TAS2R1: variants seen among roughly 807,000 people sequenced by gnomAD.
TAS2R1 encodes taste 2 receptor member 1, also known as taste receptor type 2 member 1.
For missense variants in TAS2R1, 370 were observed against 353.4 expected (o/e 1.05, Z -0.38); for synonymous variants, 141 against 134.2 (o/e 1.05, Z -0.35).
intron 1 of TAS2R1, among the ~76,000 whole-genome samples, chr5:9,710,462 G>A (rs757570204): frequency 3.3e-5 from 5 of 152,194 alleles, no homozygotes; most frequent in Non-Finnish European, 7.3e-5. Context: ...CTGAGACATA[G>A]TTTTGTGAAC....
the TAS2R1 span, among the ~76,000 whole-genome samples, chr5:9,846,251 T>A: frequency 2.6e-5 from 4 of 152,244 alleles, no homozygotes; most frequent in Non-Finnish European, 5.9e-5. Context: ...CCTGAAACTT[T>A]AAGCACCACT....
chr5:9,773,837 G>A, the TAS2R1 span, among the ~76,000 whole-genome samples: 2 of 152,074 alleles, frequency 1.3e-5, no homozygotes, highest in South Asian at 4.1e-4. Context: ...TGCTGCTTTA[G>A]GATACTTTCT....
At chr5:9,732,862 C>T in the TAS2R1 span, among the ~76,000 whole-genome samples, 22 of 152,170 alleles carry the variant, frequency 1.4e-4, no homozygotes, top group Non-Finnish European at 2.5e-4. Flanking sequence ...GGGCAGCCCA[C>T]AGGCTGGAAA....
At chr5:9,738,759 A>G in the TAS2R1 span, among the ~76,000 whole-genome samples, 1 of 152,124 alleles carries the variant, frequency 6.6e-6, no homozygotes, top group Non-Finnish European at 1.5e-5. Context: ...ATGACTAATA[A>G]ACCCCAATGC....
chr5:9,647,669 T>C (rs1290745530), intron 2 of TAS2R1, among the ~76,000 whole-genome samples: 1 of 152,198 alleles, frequency 6.6e-6, no homozygotes, highest in African/African-American at 2.4e-5. Flanking sequence ...TTAGTTATAA[T>C]TTTCTGTAGA....
chr5:9,867,747 G>A, the TAS2R1 span, among the ~76,000 whole-genome samples: 19 of 152,098 alleles, frequency 1.2e-4, no homozygotes, highest in African/African-American at 4.1e-4. Context: ...TCAAAAGTCC[G>A]CAGTCCAAAG....
chr5:9,792,298 A>G, the TAS2R1 span, among the ~76,000 whole-genome samples: 1 of 152,184 alleles, frequency 6.6e-6, no homozygotes, highest in South Asian at 2.1e-4. Context: ...TTTAAAACAT[A>G]ATGAACCTCT....
chr5:9,843,084 G>T, the TAS2R1 span, among the ~76,000 whole-genome samples: 4 of 152,152 alleles, frequency 2.6e-5, no homozygotes, highest in Admixed American at 6.5e-5. Flanking sequence ...TGCCTTTTAT[G>T]CAGGACTCTT....
At chr5:9,630,862 T>C (rs184822343), upstream of TAS2R1, among the ~76,000 whole-genome samples, 2 of 152,334 alleles carry the variant, frequency 1.3e-5, no homozygotes, top group East Asian at 3.9e-4. Context: ...ATGATTAAAT[T>C]TGTTGCTTTC....
intron 2 of TAS2R1, among the ~76,000 whole-genome samples, chr5:9,637,027 A>G (rs1739977022): frequency 1.3e-5 from 2 of 151,278 alleles, no homozygotes; most frequent in Middle Eastern, 3.4e-3. Flanking sequence ...AGGCCCTGTG[A>G]GATTTATGCT....
the TAS2R1 span, among the ~76,000 whole-genome samples, chr5:9,755,602 A>G: frequency 7.9e-5 from 12 of 151,964 alleles, no homozygotes; most frequent in African/African-American, 1.9e-4. Flanking sequence ...AAAAAAAAAA[A>G]AAAGAAAAAC....
At chr5:9,639,357 T>C (rs1217275890) in intron 2 of TAS2R1, among the ~76,000 whole-genome samples, 1 of 152,176 alleles carries the variant, frequency 6.6e-6, no homozygotes, top group Non-Finnish European at 1.5e-5. Context: ...ATTTTATCCC[T>C]AGGTAGGTTA....
At chr5:9,840,867 T>A in the TAS2R1 span, among the ~76,000 whole-genome samples, 1,386 of 12,800 alleles carry the variant, frequency 0.11, 26 homozygotes, top group African/African-American at 0.31. Flanking sequence ...ATTTTTTTTT[T>A]TTTTTTTTTT....
intron 2 of TAS2R1, among the ~76,000 whole-genome samples, chr5:9,650,729 C>T (rs1412445046): frequency 1.3e-5 from 2 of 152,188 alleles, no homozygotes; most frequent in Non-Finnish European, 2.9e-5. Context: ...CCAGCATTCT[C>T]CTCATCCCTT....
the TAS2R1 span, among the ~76,000 whole-genome samples, chr5:9,731,372 C>T: frequency 6.6e-5 from 10 of 152,270 alleles, no homozygotes; most frequent in African/African-American, 1.4e-4. Context: ...GCACCCCCTT[C>T]GCTGCCTCCT....
At chr5:9,773,416 T>C in the TAS2R1 span, among the ~76,000 whole-genome samples, 1 of 152,308 alleles carries the variant, frequency 6.6e-6, no homozygotes, top group African/African-American at 2.4e-5. Flanking sequence ...GATTGGTTAA[T>C]CTTGTAGTCT....
At chr5:9,845,990 T>C in the TAS2R1 span, among the ~76,000 whole-genome samples, 1 of 152,212 alleles carries the variant, frequency 6.6e-6, no homozygotes, top group African/African-American at 2.4e-5. Flanking sequence ...ATTATTCATA[T>C]ATTAGCATGA....
chr5:9,805,889 C>A, the TAS2R1 span, among the ~76,000 whole-genome samples: 1 of 151,950 alleles, frequency 6.6e-6, no homozygotes, highest in African/African-American at 2.4e-5. Flanking sequence ...ACTGGAAGTC[C>A]TAGCCAGAGC....
the TAS2R1 span, among the ~76,000 whole-genome samples, chr5:9,780,673 A>ATGTGTTTG: frequency 6.6e-6 from 1 of 151,508 alleles, no homozygotes; most frequent in African/African-American, 2.4e-5. Context: ...AACTAACAGA[A>ATGTGTTTG]TGTGTGTGTG....
Sources: allele counts gnomAD v4.1 joint callset (sites outside exome capture counted in the v4.1 genomes callset), GRCh38; gene constraint gnomAD v4.1.1; transcripts MANE v1.5; gene names NCBI Gene and HGNC (gene_info 2026-07-23, HGNC 2026-07-21).